The following PVT1 variants were observed in gnomAD, a reference collection of about 807,000 sequenced individuals.
PVT1 encodes Pvt1 oncogene.
At chr8:127,914,031 A>G (rs985159240) in intron 3 of PVT1, among the ~76,000 whole-genome samples, 6 of 152,142 alleles carry the variant, frequency 3.9e-5, no homozygotes, top group Non-Finnish European at 7.4e-5. Context: ...CGAGTTTGCT[A>G]TACACTTGCT....
chr8:127,975,545 G>A (rs944820704), intron 3 of PVT1, among the ~76,000 whole-genome samples: 1 of 152,162 alleles, frequency 6.6e-6, no homozygotes, highest in African/African-American at 2.4e-5. Context: ...TAAAATGAGC[G>A]AGCTTCAACA....
intron 3 of PVT1, among the ~76,000 whole-genome samples, chr8:127,941,687 A>G (rs1246475593): frequency 2.0e-5 from 3 of 152,170 alleles, no homozygotes; most frequent in Admixed American, 6.5e-5. Flanking sequence ...TTTTGTTATT[A>G]TAGTATATAT....
chr8:127,815,812 C>A (rs1814653389), intron 2 of PVT1, among the ~76,000 whole-genome samples: 1 of 152,156 alleles, frequency 6.6e-6, no homozygotes, highest in Non-Finnish European at 1.5e-5. Context: ...GACCATTATA[C>A]ACTATTAATA....
chr8:127,987,529 A>G (rs12677364), intron 3 of PVT1, among the ~76,000 whole-genome samples: 2,930 of 152,382 alleles, frequency 0.019, 42 homozygotes, highest in South Asian at 0.035. Context: ...TTGCCTAAGT[A>G]GTGCTAATAA....
At chr8:127,923,339 T>C (rs1460824244) in intron 3 of PVT1, among the ~76,000 whole-genome samples, 2 of 152,266 alleles carry the variant, frequency 1.3e-5, no homozygotes, top group African/African-American at 4.8e-5. Flanking sequence ...AGCAGGTTCA[T>C]GTCACACAGC....
rs1408018587 is a variant in PVT1, at chr8:127,857,377, AC to A, written n.373-33211del. Among the ~76,000 whole-genome samples, 15 of 152,038 alleles carry A rather than the reference AC, an allele frequency of 9.9e-5. No individual in the cohort carries two copies. In the South Asian group the frequency reaches 3.1e-3, roughly 32 times the overall value. Reference sequence around the variant, plus strand: ...AGCTCGGTTCCCCCAGGGACTCTCAACAGTTAGGGACAGGCTGGGGCATGGT... The same window carrying A: ...AGCTCGGTTCCCCCAGGGACTCTCAAAGTTAGGGACAGGCTGGGGCATGGT... On this transcript the variant is annotated intron_variant and non_coding_transcript_variant, in intron 2 of 10. Transcript: ENST00000651587.
intron 4 of PVT1, among the ~76,000 whole-genome samples, chr8:128,059,965 A>G (rs963880945): frequency 6.6e-5 from 10 of 152,170 alleles, no homozygotes; most frequent in African/African-American, 2.4e-4. Context: ...TGGTAGAATA[A>G]GAATTTAGAG....
At chr8:128,019,770 A>G (rs1817412843) in intron 4 of PVT1, among the ~76,000 whole-genome samples, 1 of 152,192 alleles carries the variant, frequency 6.6e-6, no homozygotes, top group Non-Finnish European at 1.5e-5. Flanking sequence ...GAAAGGCAGA[A>G]TCGGCCCCCC....
intron 3 of PVT1, chr8:127,946,725 A>C (rs1816425106): frequency 6.5e-6 from 1 of 154,272 alleles, no homozygotes; most frequent in Non-Finnish European, 1.5e-5. Flanking sequence ...ACAGGGGCCA[A>C]AGTTTGGGAA....
intron 4 of PVT1, among the ~76,000 whole-genome samples, chr8:128,000,678 A>G (rs1817165881): frequency 6.6e-6 from 1 of 152,204 alleles, no homozygotes; most frequent in African/African-American, 2.4e-5. Flanking sequence ...TCACCGTAGC[A>G]ATACTTTCCT....
intron 5 of PVT1, among the ~76,000 whole-genome samples, chr8:128,077,540 A>G (rs1814106955): frequency 6.6e-6 from 1 of 152,218 alleles, no homozygotes; most frequent in Non-Finnish European, 1.5e-5. Context: ...TGAGCTTCCA[A>G]AAACCCACCC....
intron 3 of PVT1, among the ~76,000 whole-genome samples, chr8:127,945,880 G>A (rs1429889390): frequency 6.6e-6 from 1 of 151,708 alleles, no homozygotes; most frequent in Non-Finnish European, 1.5e-5. Flanking sequence ...GACACTCACC[G>A]TCCCCAGTCA....
At chr8:128,021,188 C>T (rs1257376521) in intron 4 of PVT1, among the ~76,000 whole-genome samples, 2 of 151,866 alleles carry the variant, frequency 1.3e-5, no homozygotes, top group Non-Finnish European at 2.9e-5. Context: ...CTGTGGGCTT[C>T]CTGTTTCTAC....
chr8:127,846,849 T>A (rs1243548466), intron 2 of PVT1, among the ~76,000 whole-genome samples: 1 of 151,844 alleles, frequency 6.6e-6, no homozygotes, highest in Non-Finnish European at 1.5e-5. Context: ...TTTTTTTTTT[T>A]TTTGTATTTT....
At chr8:127,922,404 C>G (rs988817889) in intron 3 of PVT1, among the ~76,000 whole-genome samples, 9 of 151,782 alleles carry the variant, frequency 5.9e-5, no homozygotes, top group African/African-American at 2.2e-4. Flanking sequence ...CAACCCCTCT[C>G]CCCCATATGC....
chr8:127,839,575 AAAAAAAAAAT>A (rs1384384304), intron 2 of PVT1, among the ~76,000 whole-genome samples: 2 of 145,258 alleles, frequency 1.4e-5, no homozygotes, highest in African/African-American at 2.6e-5. Flanking sequence ...AAAAAAAATG[AAAAAAAAAAT>A]AAAAAAAAAT....
chr8:127,882,197 G>C (rs1299620421), intron 2 of PVT1, among the ~76,000 whole-genome samples: 3 of 152,156 alleles, frequency 2.0e-5, no homozygotes, highest in African/African-American at 7.2e-5. Flanking sequence ...TGAGTGTGAC[G>C]GGAGCAGGCA....
chr8:127,853,217 C>T (rs922816092), intron 2 of PVT1, among the ~76,000 whole-genome samples: 7 of 152,006 alleles, frequency 4.6e-5, no homozygotes, highest in Non-Finnish European at 8.8e-5. Flanking sequence ...AGCAGGAGGC[C>T]GGGGAAAGTG....
intron 4 of PVT1, among the ~76,000 whole-genome samples, chr8:128,058,380 G>A (rs1813787508): frequency 7.9e-6 from 1 of 126,752 alleles, no homozygotes; most frequent in Non-Finnish European, 1.6e-5. Context: ...ACTGATGCAT[G>A]TGTGTGTGTG....
Sources: allele counts gnomAD v4.1 joint callset (sites outside exome capture counted in the v4.1 genomes callset), GRCh38; gene constraint gnomAD v4.1.1; transcripts MANE v1.5; gene names NCBI Gene and HGNC (gene_info 2026-07-23, HGNC 2026-07-21).